The following MAST4 variants were observed in gnomAD, a reference collection of about 807,000 sequenced individuals.
MAST4 encodes the protein microtubule associated serine/threonine kinase family member 4, also known as microtubule-associated serine/threonine-protein kinase 4.
A neutral mutation model predicts 162.7 loss-of-function variants in MAST4; 89 were observed. The observed-to-expected ratio is 0.55, with a 90% CI of 0.46 to 0.65. The LOEUF (loss-of-function observed/expected upper bound fraction) is 0.65, where lower values mean the gene tolerates loss of function less well. MAST4 is among the 30% of genes least tolerant of loss of function. The pLI is 0.00. For missense variants in MAST4, 3,153 were observed against 3,374.0 expected (o/e 0.93, Z 1.62); for synonymous variants, 1,479 against 1,361.1 (o/e 1.09, Z -1.91).
intron 1 of MAST4, among the ~76,000 whole-genome samples, chr5:66,702,913 G>T (rs1749872924): frequency 2.0e-5 from 3 of 152,200 alleles, no homozygotes; most frequent in African/African-American, 4.8e-5. Flanking sequence ...AGGAAAGTTG[G>T]TGGAAGCGGG....
At chr5:66,900,108 T>C in intron 4 of MAST4, 126 bp downstream of exon 4, 1 of 656,902 alleles carries the variant, frequency 1.5e-6, no homozygotes, top group Non-Finnish European at 2.3e-6. Flanking sequence ...AACAAAAAAC[T>C]GAATTTATTT....
intron 4 of MAST4, among the ~76,000 whole-genome samples, chr5:66,944,570 C>T (rs550670279): frequency 3.9e-5 from 6 of 152,084 alleles, no homozygotes; most frequent in South Asian, 2.1e-4. Flanking sequence ...TTTTCTTTTT[C>T]GCTTTCTAAT....
chr5:66,704,180 C>T (rs1026594529), intron 1 of MAST4, among the ~76,000 whole-genome samples: 1 of 152,104 alleles, frequency 6.6e-6, no homozygotes. Context: ...ATTTGGAGTG[C>T]TCAAATCACC....
intron 3 of MAST4, among the ~76,000 whole-genome samples, chr5:66,791,676 T>C (rs979975769): frequency 6.6e-6 from 1 of 152,224 alleles, no homozygotes; most frequent in Admixed American, 6.5e-5. Context: ...TTTCTGTTGT[T>C]GTTATTGTAT....
intron 3 of MAST4, among the ~76,000 whole-genome samples, chr5:66,829,932 G>T (rs1315821777): frequency 1.3e-5 from 2 of 152,100 alleles, no homozygotes; most frequent in African/African-American, 4.8e-5. Flanking sequence ...ACCATCTATT[G>T]TTCAAACCTA....
chr5:67,108,732 A>T (rs192632119), intron 10 of MAST4, among the ~76,000 whole-genome samples: 2 of 152,174 alleles, frequency 1.3e-5, no homozygotes, highest in Admixed American at 6.5e-5. Flanking sequence ...TTTTAATTTG[A>T]TGGCTTAAAT....
At chr5:66,652,788 A>G (rs1048346634) in intron 1 of MAST4, among the ~76,000 whole-genome samples, 8 of 152,312 alleles carry the variant, frequency 5.3e-5, no homozygotes, top group African/African-American at 1.9e-4. Flanking sequence ...TTTGGGCATA[A>G]ATAATATTAC....
intron 5 of MAST4, among the ~76,000 whole-genome samples, chr5:67,085,149 A>C (rs377320344): frequency 6.6e-6 from 1 of 152,124 alleles, no homozygotes; most frequent in Non-Finnish European, 1.5e-5. Flanking sequence ...AGTCTTCTCC[A>C]TCTCAATTAA....
chr5:66,702,240 C>T (rs1037206961), intron 1 of MAST4, among the ~76,000 whole-genome samples: 2 of 152,168 alleles, frequency 1.3e-5, no homozygotes, highest in African/African-American at 4.8e-5. Flanking sequence ...CCCAGTGGTC[C>T]CTCGACTGCC....
intron 4 of MAST4, among the ~76,000 whole-genome samples, chr5:66,966,125 C>G (rs1168011002): frequency 6.6e-6 from 1 of 152,198 alleles, no homozygotes; most frequent in African/African-American, 2.4e-5. Flanking sequence ...GATGAAAATG[C>G]TAACCCATAC....
intron 4 of MAST4, among the ~76,000 whole-genome samples, chr5:67,035,107 G>A (rs1412019052): frequency 1.3e-5 from 2 of 151,276 alleles, no homozygotes; most frequent in Non-Finnish European, 2.9e-5. Flanking sequence ...TTTTTCTTTT[G>A]GCTTTGCTAT....
Position 67,130,283 on chromosome 5 carries a change from A to T in MAST4, c.1819A>T (p.Ile607Phe). ...GAAGAAGATTAATAAACAGAACCTC[A>T]TCCTTCGAAACCAGATCCAGCAGGC... ...AMKKINKQNL[I>F]LRNQIQQAFV... The change falls in exon 15 of 29, where the codon ATC (isoleucine) becomes TTC (phenylalanine). Residue 607 changes from isoleucine to phenylalanine, a missense_variant. By Grantham distance (21) the Ile-to-Phe change is conservative. Coordinates refer to ENST00000403625, the MANE Select transcript of MAST4 (RefSeq NM_001164664.2). The T allele has an allele frequency of 6.2e-7, 1 of 1,613,832 alleles. No individual in the cohort carries two copies. Among genetic ancestry groups the T allele is most frequent in the Non-Finnish European group, 8.5e-7 (1 of 1,179,802 alleles).
chr5:66,891,885 A>T (rs1254388396), intron 3 of MAST4, among the ~76,000 whole-genome samples: 1 of 152,260 alleles, frequency 6.6e-6, no homozygotes, highest in African/African-American at 2.4e-5. Flanking sequence ...AGAGAAGTCC[A>T]AATACACGCA....
intron 1 of MAST4, among the ~76,000 whole-genome samples, chr5:66,692,786 T>C (rs771430993): frequency 2.0e-5 from 3 of 152,084 alleles, no homozygotes; most frequent in Non-Finnish European, 4.4e-5. Context: ...CCTCACTTGG[T>C]GGAAGGGGCA....
At chr5:66,636,213 C>G (rs997356085) in intron 1 of MAST4, among the ~76,000 whole-genome samples, 3 of 151,992 alleles carry the variant, frequency 2.0e-5, no homozygotes, top group African/African-American at 7.2e-5. Context: ...GCCTCGGCCT[C>G]CCAAAGTGCT....
At chr5:66,634,925 C>T (rs34382006) in intron 1 of MAST4, among the ~76,000 whole-genome samples, 34,465 of 152,100 alleles carry the variant, frequency 0.23, 4,294 homozygotes, top group Admixed American at 0.35. Context: ...CTGGTGGTCC[C>T]GCCCCATCAG....
At chr5:66,950,557 G>A (rs1361884637) in intron 4 of MAST4, among the ~76,000 whole-genome samples, 1 of 152,038 alleles carries the variant, frequency 6.6e-6, no homozygotes, top group South Asian at 2.1e-4. Context: ...TTTGTGTCTG[G>A]CTTATTTCAC....
At chr5:66,599,354 C>T (rs1742408607) in intron 1 of MAST4, among the ~76,000 whole-genome samples, 1 of 152,110 alleles carries the variant, frequency 6.6e-6, no homozygotes, top group African/African-American at 2.4e-5. Flanking sequence ...TTCGGGAATG[C>T]TGGGTGATAA....
At chr5:66,884,994 A>T (rs1226298225) in intron 3 of MAST4, among the ~76,000 whole-genome samples, 1 of 152,296 alleles carries the variant, frequency 6.6e-6, no homozygotes, top group Non-Finnish European at 1.5e-5. Flanking sequence ...AGCCCTGCAC[A>T]GTCCTGCTTC....
Sources: gnomAD v4.1 joint callset for allele counts (sites outside exome capture counted in the v4.1 genomes callset) on GRCh38, gnomAD v4.1.1 for gene constraint, MANE v1.5 for transcripts, NCBI Gene and HGNC (gene_info 2026-07-23, HGNC 2026-07-21) for gene names.